Variants in ASIC2 observed in about 807,000 individuals in gnomAD.
ASIC2 encodes the protein acid sensing ion channel subunit 2.
ASIC2 carries 25 observed loss-of-function variants against 57.3 expected under a neutral mutation model. That is an observed-to-expected ratio of 0.44 (90% CI 0.32 to 0.61). The LOEUF (loss-of-function observed/expected upper bound fraction) is 0.61, where lower values mean the gene tolerates loss of function less well. ASIC2 is among the 20% of genes least tolerant of loss of function. The pLI, the probability that ASIC2 is intolerant of heterozygous loss-of-function variation, is 0.06. For synonymous variants in ASIC2, 319 were observed against 307.5 expected (o/e 1.04, Z -0.39); for missense variants, 641 against 738.1 (o/e 0.87, Z 1.52).
At chr17:33,154,071 G>T (rs975480845) in intron 1 of ASIC2, among the ~76,000 whole-genome samples, 6 of 152,102 alleles carry the variant, frequency 3.9e-5, no homozygotes, top group African/African-American at 1.4e-4. Context: ...TGGGAACTAG[G>T]GTGACCAGGC....
chr17:33,966,635 A>G (rs2141995399), intron 1 of ASIC2, among the ~76,000 whole-genome samples: 1 of 152,330 alleles, frequency 6.6e-6, no homozygotes, highest in African/African-American at 2.4e-5. Context: ...TTACCCTTTC[A>G]TCAACACTGT....
At chr17:34,053,492 G>A (rs1156333684) in intron 1 of ASIC2, among the ~76,000 whole-genome samples, 2 of 152,080 alleles carry the variant, frequency 1.3e-5, no homozygotes, top group Admixed American at 1.3e-4. Context: ...CTTCCATATG[G>A]GCAACATCCC....
chr17:33,590,596 C>CCCAGTCTCTACACCACAA (rs1567662639), intron 1 of ASIC2, among the ~76,000 whole-genome samples: 15 of 150,398 alleles, frequency 1.0e-4, no homozygotes, highest in African/African-American at 3.7e-4. Context: ...CTATACCACA[C>CCCAGTCTCTACACCACAA]CCCAGTCTCT....
At chr17:33,496,603 GTTTTTTTTTTTTTT>G (rs61267122) in intron 1 of ASIC2, among the ~76,000 whole-genome samples, 14 of 70,998 alleles carry the variant, frequency 2.0e-4, no homozygotes, top group Admixed American at 5.6e-4. Flanking sequence ...GTTATTGTAG[GTTTTTTTTTTTTTT>G]TTTTTTTTTT....
At chr17:34,052,640 G>T (rs1908613872) in intron 1 of ASIC2, among the ~76,000 whole-genome samples, 1 of 150,180 alleles carries the variant, frequency 6.7e-6, no homozygotes, top group Non-Finnish European at 1.5e-5. Context: ...TTTTGAGATG[G>T]AGTTTAGCTC....
intron 1 of ASIC2, among the ~76,000 whole-genome samples, chr17:33,273,019 C>T (rs368926331): frequency 1.6e-4 from 24 of 152,160 alleles, no homozygotes; most frequent in African/African-American, 4.8e-5. Flanking sequence ...GGACTCACTC[C>T]TGTTTCACCA....
At chr17:33,839,108 G>A (rs1913352138) in intron 1 of ASIC2, among the ~76,000 whole-genome samples, 1 of 152,208 alleles carries the variant, frequency 6.6e-6, no homozygotes, top group Non-Finnish European at 1.5e-5. Flanking sequence ...CTTAGAAGGA[G>A]CCATCTGACT....
At chr17:33,673,547 A>G (rs7220905) in intron 1 of ASIC2, among the ~76,000 whole-genome samples, 133 of 152,290 alleles carry the variant, frequency 8.7e-4, no homozygotes, top group African/African-American at 3.1e-3. Context: ...AGTGATGTTC[A>G]GGCAAAGGCT....
rs2142136764 is a variant in ASIC2 at position 34,141,880 on chromosome 17, G to C, written c.555+14098C>G. On this transcript the variant is annotated intron_variant, in intron 1 of 9. Transcript: ENST00000359872. The stretch of plus-strand genomic sequence containing the variant: ...TGTTCTTGCCTCATTGCTCTGGGGG[G>C]AACAATGGCCCCTGTTTGTTTAATC... Among the ~76,000 whole-genome samples, 2 of 152,256 alleles carry C rather than the reference G, an allele frequency of 1.3e-5. 1 individual carries two copies. Among genetic ancestry groups the C allele is most frequent in the South Asian group, 4.1e-4 (2 of 4,820 alleles).
chr17:33,426,984 T>A (rs962043), intron 1 of ASIC2, among the ~76,000 whole-genome samples: 95 of 152,082 alleles, frequency 6.2e-4, no homozygotes, highest in Non-Finnish European at 1.3e-3. Context: ...AAGAGCTCTT[T>A]CAAAGGCCCT....
chr17:33,176,435 C>A (rs541790964), intron 1 of ASIC2, among the ~76,000 whole-genome samples: 1 of 152,304 alleles, frequency 6.6e-6, no homozygotes, highest in East Asian at 1.9e-4. Context: ...GCCTTGACCT[C>A]CTGGGCTCAA....
chr17:33,074,170 G>C (rs2092080272), intron 3 of ASIC2, among the ~76,000 whole-genome samples: 1 of 152,176 alleles, frequency 6.6e-6, no homozygotes, highest in Admixed American at 6.5e-5. Context: ...GATACCAAAA[G>C]CATAACCATT....
intron 1 of ASIC2, among the ~76,000 whole-genome samples, chr17:33,114,453 C>T (rs970413128): frequency 1.3e-5 from 2 of 152,218 alleles, no homozygotes; most frequent in Non-Finnish European, 2.9e-5. Context: ...CTCTCTGTCT[C>T]TTCAAAATTG....
chr17:33,073,868 G>T (rs2092079110), intron 3 of ASIC2, among the ~76,000 whole-genome samples: 1 of 152,216 alleles, frequency 6.6e-6, no homozygotes, highest in South Asian at 2.1e-4. Context: ...TGAGGAAGTG[G>T]AACCTTGTGT....
chr17:33,143,986 C>A (rs1482241558), intron 1 of ASIC2, among the ~76,000 whole-genome samples: 1 of 152,034 alleles, frequency 6.6e-6, no homozygotes, highest in African/African-American at 2.4e-5. Context: ...CCACTTGATG[C>A]CCAACCCTTC....
chr17:33,093,917 C>A (rs2092167433), intron 2 of ASIC2, among the ~76,000 whole-genome samples: 1 of 152,188 alleles, frequency 6.6e-6, no homozygotes, highest in Non-Finnish European at 1.5e-5. Context: ...AGTGAACGTG[C>A]TGATACAAAG....
At chr17:33,907,463 G>A (rs1007908764) in intron 1 of ASIC2, among the ~76,000 whole-genome samples, 12 of 152,122 alleles carry the variant, frequency 7.9e-5, no homozygotes, top group Admixed American at 2.0e-4. Flanking sequence ...ATCTCTGCTT[G>A]CTTCTCAATG....
chr17:33,523,707 A>G (rs139909149), intron 1 of ASIC2, among the ~76,000 whole-genome samples: 1 of 152,304 alleles, frequency 6.6e-6, no homozygotes, highest in Non-Finnish European at 1.5e-5. Flanking sequence ...TGTTATAAAT[A>G]ATCTCGAAGA....
chr17:33,507,187 C>T (rs751299411), intron 1 of ASIC2, among the ~76,000 whole-genome samples: 1 of 152,214 alleles, frequency 6.6e-6, no homozygotes, highest in South Asian at 2.1e-4. Context: ...GCTCTGTTTA[C>T]AATGCTGCCT....
Sources: allele counts gnomAD v4.1 joint callset (sites outside exome capture counted in the v4.1 genomes callset), GRCh38; gene constraint gnomAD v4.1.1; transcripts MANE v1.5; gene names NCBI Gene and HGNC (gene_info 2026-07-23, HGNC 2026-07-21).